The following ECT2 variants were observed in gnomAD, a reference collection of about 807,000 sequenced individuals.
ECT2 encodes protein ECT2.
Under a neutral mutation model 116.9 loss-of-function variants are expected in ECT2, and 61 were observed. That is an observed-to-expected ratio of 0.52 (90% CI 0.42 to 0.65). The LOEUF (loss-of-function observed/expected upper bound fraction) is 0.65. Ranked by LOEUF, ECT2 falls within the 30% of genes least tolerant of loss-of-function variation. The probability of loss-of-function intolerance (pLI) is 0.00; values close to 1 mark genes in which losing one functional copy is unlikely to be tolerated. For synonymous variants in ECT2, 358 were observed against 346.4 expected (o/e 1.03, Z -0.37); for missense variants, 937 against 1,078.7 (o/e 0.87, Z 1.84).
At chr3:172,796,439 A>G (rs1365223355) in intron 18 of ECT2, 1 of 152,202 alleles carries the variant, frequency 6.6e-6, no homozygotes, top group Non-Finnish European at 1.5e-5. Context: ...TTAATTTTTA[A>G]TTCCAGAATC....
At chr3:172,804,457 C>G (rs1727308994) in intron 20 of ECT2, among the ~76,000 whole-genome samples, 1 of 152,170 alleles carries the variant, frequency 6.6e-6, no homozygotes, top group African/African-American at 2.4e-5. Context: ...TCTCAACTAC[C>G]TGTTTCCCTC....
intron 22 of ECT2, among the ~76,000 whole-genome samples, chr3:172,809,126 G>A (rs561442051): frequency 6.6e-5 from 10 of 151,706 alleles, no homozygotes; most frequent in Admixed American, 2.6e-4. Flanking sequence ...ATATAAAATG[G>A]TTTTATCTGT....
At chr3:172,811,999 T>G (rs80186261) in intron 22 of ECT2, among the ~76,000 whole-genome samples, 12 of 151,550 alleles carry the variant, frequency 7.9e-5, no homozygotes, top group Middle Eastern at 3.4e-3. Flanking sequence ...TTTTTTTTTT[T>G]GGGAGACAAA....
At chr3:172,780,563 A>G (rs899201738) in intron 14 of ECT2, among the ~76,000 whole-genome samples, 2 of 152,202 alleles carry the variant, frequency 1.3e-5, no homozygotes, top group African/African-American at 4.8e-5. Flanking sequence ...TAATTTATTT[A>G]GAGATGTGGT....
chr3:172,786,549 A>T lies in ECT2; in HGVS notation c.1882A>T (p.Ile628Phe). ...AGACAAAAGCACTTTAGAAAAAGCTATTGGATCACTGAAGGAAGTAATGAC... is the reference window on the plus strand; with the variant it reads ...AGACAAAAGCACTTTAGAAAAAGCTTTTGGATCACTGAAGGAAGTAATGAC... Reference protein sequence around the residue: ...NPDKSTLEKAIGSLKEVMTHI... With the variant: ...NPDKSTLEKAFGSLKEVMTHI... Residue 628 changes from isoleucine to phenylalanine, a missense_variant, in exon 18 of 25, where the codon ATT (isoleucine) becomes TTT (phenylalanine). Coordinates refer to ENST00000392692, the MANE Select transcript of ECT2 (RefSeq NM_001258315.2). 1.9e-6 allele frequency: 3 copies of T among 1,610,516 alleles called. No individual in the cohort carries two copies. The highest frequency in any genetic ancestry group is 2.5e-6 in the Non-Finnish European group (3 of 1,177,568).
chr3:172,794,426 T>A (rs1269150591), intron 18 of ECT2, among the ~76,000 whole-genome samples: 1 of 152,056 alleles, frequency 6.6e-6, no homozygotes, highest in Non-Finnish European at 1.5e-5. Flanking sequence ...ATGGTTTATT[T>A]CTTTACTTTC....
chr3:172,782,049 C>G (rs1382288968), intron 14 of ECT2, 114 bp from the exon 15 acceptor site: 8 of 476,194 alleles, frequency 1.7e-5, no homozygotes, highest in Non-Finnish European at 2.5e-5. Context: ...TTTTACACAT[C>G]AAATTAAGAC....
intron 18 of ECT2, among the ~76,000 whole-genome samples, chr3:172,801,290 T>C (rs1318372593): frequency 6.6e-6 from 1 of 152,226 alleles, no homozygotes; most frequent in Non-Finnish European, 1.5e-5. Context: ...CAGTTTGATA[T>C]TTTCATGTCT....
chr3:172,820,132 T>A lies in ECT2; in HGVS notation c.2656-16T>A. 4.4e-6 allele frequency: 7 copies of A among 1,575,346 alleles called. No individual in the cohort carries two copies. The highest frequency in any genetic ancestry group is 6.1e-6 in the Non-Finnish European group (7 of 1,155,076). On this transcript the variant is annotated splice_polypyrimidine_tract_variant and intron_variant, in intron 24 of 24. Transcript: ENST00000392692. Reference sequence around the variant, plus strand: ...AGGAAAATTTAAAATATGAAATGTTTGTTTTGTCTTAACAGGGTATCCCTT... The same window carrying A: ...AGGAAAATTTAAAATATGAAATGTTAGTTTTGTCTTAACAGGGTATCCCTT...
At chr3:172,804,665 A>T (rs189056741) in intron 20 of ECT2, among the ~76,000 whole-genome samples, 2 of 152,194 alleles carry the variant, frequency 1.3e-5, no homozygotes, top group Admixed American at 6.5e-5. Flanking sequence ...CATTCATCTA[A>T]TAGGTTAGAT....
intron 18 of ECT2, among the ~76,000 whole-genome samples, chr3:172,789,820 C>T (rs375628601): frequency 2.0e-5 from 3 of 152,170 alleles, no homozygotes; most frequent in East Asian, 1.9e-4. Context: ...CATGAGATTG[C>T]AGCAATTCAG....
intron 18 of ECT2, among the ~76,000 whole-genome samples, chr3:172,788,841 C>T (rs923642403): frequency 1.2e-4 from 18 of 152,038 alleles, no homozygotes; most frequent in Non-Finnish European, 8.8e-5. Flanking sequence ...GGGTGGATCA[C>T]GAGGTCAGGA....
Position 172,762,173 on chromosome 3 carries a change from A to G in ECT2, c.759-243A>G, listed in dbSNP as rs575647750. Among the ~76,000 whole-genome samples, 3 of 152,260 alleles carry G rather than the reference A, an allele frequency of 2.0e-5. No individual in the cohort carries two copies. The South Asian group carries it at 6.2e-4, about 32-fold the overall frequency. The stretch of plus-strand genomic sequence containing the variant: ...ATATAAATCTTCAAATAATAGAGAA[A>G]AAATTTGAATCTCTTGTAAAGCTTA... On this transcript the variant is annotated intron_variant, in intron 8 of 24. Transcript: ENST00000392692.
chr3:172,796,923 T>A (rs1465910071), intron 18 of ECT2, among the ~76,000 whole-genome samples: 1 of 152,048 alleles, frequency 6.6e-6, no homozygotes, highest in Non-Finnish European at 1.5e-5. Context: ...CCTCCCACAG[T>A]GCTGGAATTG....
intron 12 of ECT2, among the ~76,000 whole-genome samples, chr3:172,767,010 TAATTA>T (rs1719529998): frequency 6.6e-6 from 1 of 152,224 alleles, no homozygotes; most frequent in African/African-American, 2.4e-5. Context: ...AGACACAGAA[TAATTA>T]AATTAGATCA....
At chr3:172,765,734 A>G (rs1194451497) in intron 12 of ECT2, among the ~76,000 whole-genome samples, 2 of 152,172 alleles carry the variant, frequency 1.3e-5, no homozygotes, top group African/African-American at 4.8e-5. Context: ...ATGGCTTTCT[A>G]TTACTGTAGC....
At chr3:172,809,316 A>G (rs1024372479) in intron 22 of ECT2, among the ~76,000 whole-genome samples, 7 of 152,148 alleles carry the variant, frequency 4.6e-5, no homozygotes, top group African/African-American at 1.7e-4. Flanking sequence ...ACTGAAATAT[A>G]ATAACATATG....
chr3:172,805,094 T>C (rs188709230), intron 20 of ECT2, among the ~76,000 whole-genome samples: 120 of 152,240 alleles, frequency 7.9e-4, no homozygotes, highest in African/African-American at 2.7e-3. Context: ...ATGGAAATTA[T>C]GGTACATTCT....
rs187887570 is a variant in ECT2, at chr3:172,818,919, A to C, written c.2656-1229A>C. 1.3e-4 allele frequency: 127 copies of C among 960,458 alleles called. 2 individuals carry two copies. The East Asian group carries it at 3.8e-3, about 28-fold the overall frequency. 59.5% of individuals were successfully genotyped at this position (960,458 alleles called of 1,614,324 possible). On this transcript the variant is annotated intron_variant, in intron 24 of 24. Coordinates refer to ENST00000392692, the MANE Select transcript of ECT2 (RefSeq NM_001258315.2). ...TTGGTGGGTGGGAACTTTGGAATTCACAATGTTATGACTGCTTTGAATTAA... is the reference window on the plus strand; with the variant it reads ...TTGGTGGGTGGGAACTTTGGAATTCCCAATGTTATGACTGCTTTGAATTAA...
Sources: allele counts gnomAD v4.1 joint callset (sites outside exome capture counted in the v4.1 genomes callset), GRCh38; gene constraint gnomAD v4.1.1; transcripts MANE v1.5; gene names NCBI Gene and HGNC (gene_info 2026-07-23, HGNC 2026-07-21).